The following GULP1 variants were observed in gnomAD, a reference collection of about 807,000 sequenced individuals.
GULP1 encodes the protein GULP PTB domain containing engulfment adaptor 1, also known as PTB domain-containing engulfment adapter protein 1.
A neutral mutation model predicts 40.9 loss-of-function variants in GULP1; 19 were observed. The observed-to-expected ratio is 0.46, with a 90% CI of 0.32 to 0.68. The LOEUF (loss-of-function observed/expected upper bound fraction) is 0.68, where lower values mean the gene tolerates loss of function less well. Among genes scored for constraint, GULP1 ranks in the 30% least tolerant of loss-of-function variants. The pLI, the probability that GULP1 is intolerant of heterozygous loss-of-function variation, is 0.03. For synonymous variants in GULP1, 119 were observed against 117.6 expected (o/e 1.01, Z -0.08); for missense variants, 312 against 362.2 (o/e 0.86, Z 1.12).
chr2:188,309,415 G>A (rs899281611), intron 1 of GULP1, among the ~76,000 whole-genome samples: 4 of 151,378 alleles, frequency 2.6e-5, no homozygotes, highest in Non-Finnish European at 4.4e-5. Context: ...GCAGTGAGCC[G>A]AGATCACACC....
intron 2 of GULP1, among the ~76,000 whole-genome samples, chr2:188,473,159 C>A (rs200357939): frequency 8.2e-6 from 1 of 121,902 alleles, no homozygotes; most frequent in Non-Finnish European, 1.6e-5. Flanking sequence ...CTCTCTTTCT[C>A]TCTCTCTCTC....
intron 11 of GULP1, chr2:188,590,507 T>A (rs143632179): frequency 2.8e-4 from 42 of 152,294 alleles, no homozygotes; most frequent in African/African-American, 9.9e-4. Flanking sequence ...GTTTTCATCT[T>A]TCATTTACAG....
chr2:188,502,305 A>G (rs1234850571), intron 4 of GULP1, among the ~76,000 whole-genome samples: 1 of 151,910 alleles, frequency 6.6e-6, no homozygotes, highest in African/African-American at 2.4e-5. Flanking sequence ...TCTTAAGGAA[A>G]TATTATCTAC....
At chr2:188,427,412 G>A (rs779316403) in intron 2 of GULP1, among the ~76,000 whole-genome samples, 5 of 152,286 alleles carry the variant, frequency 3.3e-5, no homozygotes, top group Non-Finnish European at 5.9e-5. Context: ...AAGGCATTTC[G>A]GAGACATTTG....
intron 7 of GULP1, among the ~76,000 whole-genome samples, chr2:188,544,540 T>G (rs868058960): frequency 6.6e-6 from 1 of 150,476 alleles, no homozygotes; most frequent in South Asian, 2.1e-4. Flanking sequence ...AGTATTATTA[T>G]AATAATAATA....
At chr2:188,373,791 G>A (rs569511273) in intron 1 of GULP1, among the ~76,000 whole-genome samples, 15 of 151,954 alleles carry the variant, frequency 9.9e-5, no homozygotes, top group African/African-American at 1.7e-4. Context: ...ATTTGCTTGC[G>A]GTGTAAAATA....
At chr2:188,464,228 C>G (rs2059938013) in intron 2 of GULP1, among the ~76,000 whole-genome samples, 1 of 152,148 alleles carries the variant, frequency 6.6e-6, no homozygotes, top group Non-Finnish European at 1.5e-5. Flanking sequence ...TGGGGGACCT[C>G]AAGTTCCCTA....
At chr2:188,365,563 A>T in intron 1 of GULP1, among the ~76,000 whole-genome samples, 1 of 152,332 alleles carries the variant, frequency 6.6e-6, no homozygotes, top group African/African-American at 2.4e-5. Context: ...GAAGCTGATA[A>T]TTGTTGATTG....
intron 7 of GULP1, among the ~76,000 whole-genome samples, chr2:188,547,456 G>A (rs1341237763): frequency 6.6e-6 from 1 of 152,132 alleles, no homozygotes; most frequent in Non-Finnish European, 1.5e-5. Context: ...AAGGAAGCCA[G>A]TCATAGTCCC....
intron 1 of GULP1, among the ~76,000 whole-genome samples, chr2:188,344,100 G>A (rs1306880373): frequency 6.6e-6 from 1 of 152,164 alleles, no homozygotes; most frequent in Non-Finnish European, 1.5e-5. Context: ...GAGCCACCAC[G>A]CCTGGCCCTC....
intron 2 of GULP1, among the ~76,000 whole-genome samples, chr2:188,452,289 A>G (rs1253882507): frequency 6.6e-6 from 1 of 152,180 alleles, no homozygotes; most frequent in Admixed American, 6.5e-5. Flanking sequence ...TCAGAGAACT[A>G]GAAAAACCTG....
At chr2:188,496,785 A>G (rs998478052) in intron 4 of GULP1, among the ~76,000 whole-genome samples, 4 of 151,918 alleles carry the variant, frequency 2.6e-5, no homozygotes, top group Non-Finnish European at 5.9e-5. Context: ...AGGTTATTAG[A>G]TCATGGGGGG....
intron 2 of GULP1, among the ~76,000 whole-genome samples, chr2:188,436,639 G>T (rs1398341847): frequency 1.3e-5 from 2 of 151,948 alleles, no homozygotes; most frequent in African/African-American, 4.8e-5. Flanking sequence ...TGTATTAAAA[G>T]TTATTTTTTA....
At chr2:188,416,609 T>C (rs1022646575) in intron 2 of GULP1, among the ~76,000 whole-genome samples, 8 of 152,142 alleles carry the variant, frequency 5.3e-5, no homozygotes, top group African/African-American at 1.4e-4. Context: ...ATGGAAGAGA[T>C]AGGCTGACAA....
chr2:188,313,651 A>C (rs2038567713), intron 1 of GULP1, among the ~76,000 whole-genome samples: 1 of 152,168 alleles, frequency 6.6e-6, no homozygotes, highest in African/African-American at 2.4e-5. Flanking sequence ...TTCTGTGAAG[A>C]ATGTCAATGG....
chr2:188,399,710 A>AAAAAC, intron 2 of GULP1, among the ~76,000 whole-genome samples: 1 of 150,416 alleles, frequency 6.6e-6, no homozygotes, highest in Admixed American at 6.7e-5. Context: ...AAAAAAAAAA[A>AAAAAC]AAAACATCAA....
intron 1 of GULP1, among the ~76,000 whole-genome samples, chr2:188,319,352 T>C (rs2039620734): frequency 6.6e-6 from 1 of 152,150 alleles, no homozygotes; most frequent in African/African-American, 2.4e-5. Flanking sequence ...AACAATAGTT[T>C]AGTATGCATT....
chr2:188,359,216 AATTT>A (rs893346872), intron 1 of GULP1, among the ~76,000 whole-genome samples: 9 of 152,080 alleles, frequency 5.9e-5, no homozygotes. Flanking sequence ...TTTTAACATT[AATTT>A]ATTCTTTCAA....
chr2:188,363,587 A>C (rs942000090), intron 1 of GULP1, among the ~76,000 whole-genome samples: 1 of 152,146 alleles, frequency 6.6e-6, no homozygotes. Context: ...GTGTTAGTCC[A>C]ATTTTCAAGG....
Sources: gnomAD v4.1 joint callset for allele counts (sites outside exome capture counted in the v4.1 genomes callset) on GRCh38, gnomAD v4.1.1 for gene constraint, MANE v1.5 for transcripts, NCBI Gene and HGNC (gene_info 2026-07-23, HGNC 2026-07-21) for gene names.